The following CAMK2D variants were observed in gnomAD, a reference collection of about 807,000 sequenced individuals.
CAMK2D encodes the protein calcium/calmodulin dependent protein kinase II delta, also known as calcium/calmodulin-dependent protein kinase type II subunit delta.
CAMK2D carries 37 observed loss-of-function variants against 84.0 expected under a neutral mutation model. That is an observed-to-expected ratio of 0.44 (90% CI 0.34 to 0.58). The LOEUF is 0.58. Ranked by LOEUF, CAMK2D falls within the 20% of genes least tolerant of loss-of-function variation. The probability of loss-of-function intolerance (pLI) is 0.02; values close to 1 mark genes in which losing one functional copy is unlikely to be tolerated. For synonymous variants in CAMK2D, 202 were observed against 212.5 expected (o/e 0.95, Z 0.43); for missense variants, 448 against 652.5 (o/e 0.69, Z 3.41).
intron 4 of CAMK2D, among the ~76,000 whole-genome samples, chr4:113,570,432 A>T (rs2098747129): frequency 6.6e-6 from 1 of 152,194 alleles, no homozygotes; most frequent in African/African-American, 2.4e-5. Context: ...CAGCAGAGTT[A>T]CTGGCATATT....
intron 4 of CAMK2D, among the ~76,000 whole-genome samples, chr4:113,583,992 C>T (rs1045557205): frequency 3.9e-5 from 6 of 152,176 alleles, no homozygotes; most frequent in South Asian, 2.1e-4. Flanking sequence ...TTCCATAAAG[C>T]TTAATCATTG....
chr4:113,506,899 C>CA (rs1448778325), intron 13 of CAMK2D, among the ~76,000 whole-genome samples: 9 of 150,030 alleles, frequency 6.0e-5, no homozygotes, highest in South Asian at 2.1e-4. Context: ...GTTCCCCCCC[C>CA]CACACACACA....
At chr4:113,738,807 A>T (rs1003319716) in intron 2 of CAMK2D, among the ~76,000 whole-genome samples, 1 of 152,144 alleles carries the variant, frequency 6.6e-6, no homozygotes, top group Non-Finnish European at 1.5e-5. Context: ...AAAGGCTATT[A>T]ATCCAGCCTA....
At position 113,587,761 on chromosome 4, in the gene CAMK2D, A is replaced by G. The variant is rs571769938; in HGVS notation, c.275+21391T>C. On this transcript the variant is annotated intron_variant, in intron 4 of 20. Coordinates refer to ENST00000511664, the MANE Select transcript of CAMK2D (RefSeq NM_001321571.2). ...CTGGGCCTAAATTTTAAAGGTCTAAATATTGCAATTCCTATGGCATGAGGC... is the reference window on the plus strand; with the variant it reads ...CTGGGCCTAAATTTTAAAGGTCTAAGTATTGCAATTCCTATGGCATGAGGC... Among the ~76,000 whole-genome samples the G allele has an allele frequency of 2.0e-5, 3 of 152,308 alleles. No individual in the cohort carries two copies. The South Asian group carries it at 6.2e-4, about 32-fold the overall frequency.
At chr4:113,571,074 G>T (rs2154220539) in intron 4 of CAMK2D, among the ~76,000 whole-genome samples, 1 of 152,216 alleles carries the variant, frequency 6.6e-6, no homozygotes, top group East Asian at 1.9e-4. Context: ...TCAGGAAAAT[G>T]CAAATTAAGG....
chr4:113,461,072 C>A (rs907797073), intron 17 of CAMK2D, among the ~76,000 whole-genome samples: 2 of 152,064 alleles, frequency 1.3e-5, no homozygotes, highest in African/African-American at 4.8e-5. Flanking sequence ...AGTATCACAC[C>A]CTACACTTCC....
chr4:113,623,738 CTG>C (rs3064581), intron 3 of CAMK2D, among the ~76,000 whole-genome samples: 14,438 of 148,402 alleles, frequency 0.097, 832 homozygotes, highest in Non-Finnish European at 0.14. Context: ...TATGCAGTGA[CTG>C]TGTGTGTGTG....
At chr4:113,745,972 T>G (rs548953863) in intron 2 of CAMK2D, among the ~76,000 whole-genome samples, 20 of 152,318 alleles carry the variant, frequency 1.3e-4, no homozygotes, top group African/African-American at 4.8e-4. Flanking sequence ...TCTCTAAATG[T>G]TCCTTACCCA....
intron 17 of CAMK2D, among the ~76,000 whole-genome samples, chr4:113,464,132 A>G (rs942814810): frequency 6.6e-6 from 1 of 152,236 alleles, no homozygotes; most frequent in African/African-American, 2.4e-5. Context: ...GTCCTGCAGT[A>G]TCTGCACCTT....
At chr4:113,757,373 C>A (rs2099630801) in intron 2 of CAMK2D, among the ~76,000 whole-genome samples, 1 of 152,016 alleles carries the variant, frequency 6.6e-6, no homozygotes, top group Non-Finnish European at 1.5e-5. Flanking sequence ...GTTATTACTG[C>A]TATTTTACAG....
chr4:113,750,630 C>T lies in CAMK2D; in HGVS notation c.160+8690G>A, dbSNP rs143556854. On this transcript the variant is annotated intron_variant, in intron 2 of 20. Transcript: ENST00000511664. ...ATCAAGTTGCCCAGCAAAGCGAGTG[C>T]TAAAAGATCTAATGATGAGCTGAAT... 3.9e-4 allele frequency among the ~76,000 whole-genome samples: 60 copies of T among 152,272 alleles called. 1 individual carries two copies. In the East Asian group the frequency reaches 0.01, roughly 26 times the overall value.
At chr4:113,643,050 A>G (rs1272551821) in intron 3 of CAMK2D, among the ~76,000 whole-genome samples, 2 of 152,250 alleles carry the variant, frequency 1.3e-5, no homozygotes, top group African/African-American at 4.8e-5. Flanking sequence ...ATAGATATGT[A>G]ACAAAAGAAG....
intron 4 of CAMK2D, among the ~76,000 whole-genome samples, chr4:113,607,845 T>C (rs1157947003): frequency 1.3e-5 from 2 of 152,174 alleles, no homozygotes; most frequent in Non-Finnish European, 2.9e-5. Context: ...CATTCTTTCT[T>C]AATAACAAAA....
At chr4:113,708,747 GAC>G (rs2154353054) in intron 2 of CAMK2D, among the ~76,000 whole-genome samples, 1 of 152,066 alleles carries the variant, frequency 6.6e-6, no homozygotes, top group East Asian at 1.9e-4. Context: ...TGTTTTTTGA[GAC>G]AGTCTTGCTC....
In CAMK2D at chr4:113,759,508, A is replaced by G. The variant is rs561255879; in HGVS notation, c.66-94T>C. The G allele has an allele frequency of 3.8e-4, 263 of 700,430 alleles. 1 individual carries two copies. Among genetic ancestry groups the G allele is most frequent in the Non-Finnish European group, 5.3e-4 (228 of 431,552 alleles). 43.4% of individuals were successfully genotyped at this position (700,430 alleles called of 1,614,324 possible). ...TGAGCATTTTTATTGATTTTAGTGG[A>G]TTGCCAGTGAAGTACAGTAATATCC... On this transcript the variant is annotated intron_variant, in intron 1 of 20. Coordinates refer to ENST00000511664, the MANE Select transcript of CAMK2D (RefSeq NM_001321571.2).
rs541855427 is a variant in CAMK2D, at chr4:113,548,593, G to A, written c.342-877C>T. 25 of 786,022 alleles carry A rather than the reference G, an allele frequency of 3.2e-5. No homozygotes were observed. In the Admixed American group the frequency reaches 3.4e-4, roughly 11 times the overall value. 48.7% of individuals were successfully genotyped at this position (786,022 alleles called of 1,614,324 possible). A position where few individuals can be genotyped will look rare whatever the true frequency, so the allele number is the denominator to read the frequency against. On this transcript the variant is annotated intron_variant, in intron 5 of 20. Transcript: ENST00000511664. ...GAACCATTTTAAATACCCACCCTCTGCCCTTTCCCCAGAAAAAAAAATAAA... is the reference window on the plus strand; with the variant it reads ...GAACCATTTTAAATACCCACCCTCTACCCTTTCCCCAGAAAAAAAAATAAA...
At chr4:113,556,369 C>G (rs1333592911) in intron 4 of CAMK2D, among the ~76,000 whole-genome samples, 1 of 152,020 alleles carries the variant, frequency 6.6e-6, no homozygotes, top group African/African-American at 2.4e-5. Context: ...TCGGAATACC[C>G]CAAAGGATCA....
intron 2 of CAMK2D, among the ~76,000 whole-genome samples, chr4:113,755,917 A>T (rs768204105): frequency 5.3e-5 from 8 of 151,996 alleles, no homozygotes; most frequent in Admixed American, 2.0e-4. Context: ...ATGCCCATCT[A>T]ACAAAAACTT....
chr4:113,707,338 G>A (rs2099462938), intron 2 of CAMK2D, among the ~76,000 whole-genome samples: 1 of 152,096 alleles, frequency 6.6e-6, no homozygotes, highest in African/African-American at 2.4e-5. Context: ...AAGATCAAAA[G>A]GATACAAGGA....
Sources: gnomAD v4.1 joint callset for allele counts (sites outside exome capture counted in the v4.1 genomes callset) on GRCh38, gnomAD v4.1.1 for gene constraint, MANE v1.5 for transcripts, NCBI Gene and HGNC (gene_info 2026-07-23, HGNC 2026-07-21) for gene names.